The following BRD10 variants were observed in gnomAD, a reference collection of about 807,000 sequenced individuals.
The protein encoded by BRD10 is uncharacterized bromodomain-containing protein 10.
chr9:5,926,200 A>C, the BRD10 span, among the ~76,000 whole-genome samples: 1 of 152,060 alleles, frequency 6.6e-6, no homozygotes. Context: ...ACAGGCGTGA[A>C]TCACTGCGCC....
chr9:5,972,838 C>T, the BRD10 span, among the ~76,000 whole-genome samples: 2 of 152,138 alleles, frequency 1.3e-5, no homozygotes, highest in Non-Finnish European at 2.9e-5. Flanking sequence ...TCTTCAACAG[C>T]AATAACAGAA....
chr9:5,885,729 G>A, the BRD10 span, among the ~76,000 whole-genome samples: 2 of 152,142 alleles, frequency 1.3e-5, no homozygotes, highest in Non-Finnish European at 2.9e-5. Flanking sequence ...CTATTCCTAT[G>A]TTGCAGATGA....
chr9:5,922,433 G>A, the BRD10 span: 65 of 1,613,840 alleles, frequency 4.0e-5, no homozygotes, highest in Admixed American at 8.7e-4. Context: ...GGTTACAGGC[G>A]ACAAAGGCTG....
the BRD10 span, among the ~76,000 whole-genome samples, chr9:5,961,094 C>A: frequency 6.6e-6 from 1 of 152,110 alleles, no homozygotes; most frequent in Non-Finnish European, 1.5e-5. Flanking sequence ...TCAGTATATT[C>A]CCACACAATG....
At chr9:6,007,347 G>A in the BRD10 span, 10 of 1,613,570 alleles carry the variant, frequency 6.2e-6, no homozygotes, top group Admixed American at 1.7e-5. Flanking sequence ...ACTGGCCGCT[G>A]GCGAACTTCT....
At chr9:5,960,938 A>G in the BRD10 span, among the ~76,000 whole-genome samples, 4 of 152,278 alleles carry the variant, frequency 2.6e-5, 1 homozygote, top group South Asian at 4.1e-4. Context: ...TACGCAGGGG[A>G]AAAAAAGCAG....
chr9:5,921,153 T>C, the BRD10 span: 1 of 1,613,954 alleles, frequency 6.2e-7, no homozygotes, highest in Non-Finnish European at 8.5e-7. Flanking sequence ...AATGGCAAAA[T>C]ATAGCCCTTG....
the BRD10 span, among the ~76,000 whole-genome samples, chr9:5,985,994 G>C: frequency 6.6e-6 from 1 of 152,082 alleles, no homozygotes; most frequent in African/African-American, 2.4e-5. Flanking sequence ...TAAGGTCCAG[G>C]ATACAAGTGC....
chr9:5,982,376 T>G, the BRD10 span, among the ~76,000 whole-genome samples: 1 of 152,184 alleles, frequency 6.6e-6, no homozygotes, highest in Non-Finnish European at 1.5e-5. Context: ...GTTTGAATAG[T>G]TGTCCCCTCC....
At chr9:5,969,761 G>T in the BRD10 span, among the ~76,000 whole-genome samples, 1 of 152,108 alleles carries the variant, frequency 6.6e-6, no homozygotes, top group African/African-American at 2.4e-5. Flanking sequence ...GGCCAGGCTG[G>T]TCTCAAACTC....
At chr9:5,924,506 T>C in the BRD10 span, among the ~76,000 whole-genome samples, 1 of 152,124 alleles carries the variant, frequency 6.6e-6, no homozygotes, top group Non-Finnish European at 1.5e-5. Flanking sequence ...AGTAGAAACT[T>C]CTTATAAGGA....
chr9:5,889,786 G>GA, the BRD10 span, among the ~76,000 whole-genome samples: 37,584 of 149,656 alleles, frequency 0.25, 4,719 homozygotes, highest in South Asian at 0.31. Context: ...CTCCATCTCA[G>GA]AAAAAAAAAA....
At chr9:5,942,819 A>G in the BRD10 span, among the ~76,000 whole-genome samples, 3 of 152,154 alleles carry the variant, frequency 2.0e-5, no homozygotes, top group Non-Finnish European at 4.4e-5. Flanking sequence ...GGGTAATCTA[A>G]AATTTTCTGA....
At chr9:5,955,075 T>C in the BRD10 span, among the ~76,000 whole-genome samples, 1 of 151,962 alleles carries the variant, frequency 6.6e-6, no homozygotes, top group African/African-American at 2.4e-5. Context: ...GCAACAATAG[T>C]GAAACTCTGT....
At chr9:5,991,000 T>C in the BRD10 span, among the ~76,000 whole-genome samples, 4 of 152,202 alleles carry the variant, frequency 2.6e-5, no homozygotes, top group African/African-American at 9.6e-5. Flanking sequence ...AATAATGTAC[T>C]GAACATTACA....
chr9:5,915,352 G>A, the BRD10 span, among the ~76,000 whole-genome samples: 1 of 152,050 alleles, frequency 6.6e-6, no homozygotes, highest in South Asian at 2.1e-4. Context: ...GTAGGCACCG[G>A]GCTAAGTACT....
the BRD10 span, chr9:5,921,012 A>G: frequency 1.0e-4 from 167 of 1,613,954 alleles, 1 homozygote; most frequent in East Asian, 3.4e-3. Context: ...AAGGAACCCA[A>G]AGATAAATTT....
At chr9:5,969,439 A>G in the BRD10 span, 3 of 1,508,954 alleles carry the variant, frequency 2.0e-6, no homozygotes, top group African/African-American at 2.8e-5. Flanking sequence ...CCCGAAGCCT[A>G]AAGAAATTTA....
chr9:5,919,394 T>A, the BRD10 span: 1 of 264,012 alleles, frequency 3.8e-6, no homozygotes, highest in African/African-American at 2.2e-5. Flanking sequence ...TATTCAAACT[T>A]TGTTCACTTT....
Sources: allele counts gnomAD v4.1 joint callset (sites outside exome capture counted in the v4.1 genomes callset), GRCh38; gene constraint gnomAD v4.1.1; transcripts MANE v1.5; gene names NCBI Gene and HGNC (gene_info 2026-07-23, HGNC 2026-07-21).